Variants in ST6GALNAC3 observed in about 807,000 individuals in gnomAD.
ST6GALNAC3 encodes ST6 N-acetylgalactosaminide alpha-2,6-sialyltransferase 3, also known as alpha-N-acetylgalactosaminide alpha-2,6-sialyltransferase 3.
A neutral mutation model predicts 32.7 loss-of-function variants in ST6GALNAC3; 25 were observed. The ratio of observed to expected loss-of-function variants is 0.76; its 90% CI spans 0.56 to 1.07. The LOEUF is 1.07. Among genes scored for constraint, ST6GALNAC3 ranks in the 50% least tolerant of loss-of-function variants. ST6GALNAC3 has a pLI of 0.00. For missense variants in ST6GALNAC3, 355 were observed against 382.4 expected, an observed-to-expected ratio of 0.93 and a Z score of 0.60; for synonymous variants, 129 against 133.1, an observed-to-expected ratio of 0.97 and a Z score of 0.21.
At position 76,634,235 on chromosome 1, in the gene ST6GALNAC3, C is replaced by T; in HGVS notation, c.*5429C>T. On this transcript the variant is annotated 3_prime_UTR_variant, in exon 5 of 5. Transcript: ENST00000328299. ...TGAATAAACAGTCAACTACCAAGTT[C>T]ACATATTTGCCTATGAAGTGAGAGC... 1.1e-6 allele frequency: 1 copy of T among 879,392 alleles called. No individual in the cohort carries two copies. The highest frequency in any genetic ancestry group is 1.8e-5 in the African/African-American group (1 of 55,022). The allele number at this position is 879,392 out of a possible 1,614,324, so 54.5% of individuals were successfully genotyped here.
At chr1:76,477,767 A>G (rs1355584922) in intron 3 of ST6GALNAC3, among the ~76,000 whole-genome samples, 2 of 152,118 alleles carry the variant, frequency 1.3e-5, no homozygotes, top group African/African-American at 2.4e-5. Flanking sequence ...TCATTCAGTC[A>G]TTTACCCACT....
intron 3 of ST6GALNAC3, among the ~76,000 whole-genome samples, chr1:76,496,725 G>C (rs189980532): frequency 3.9e-5 from 6 of 152,088 alleles, no homozygotes; most frequent in Admixed American, 2.6e-4. Context: ...AGCAGTGAAG[G>C]TTCCTTAATG....
chr1:76,127,496 C>A (rs1029955738), intron 1 of ST6GALNAC3, among the ~76,000 whole-genome samples: 6 of 152,168 alleles, frequency 3.9e-5, no homozygotes, highest in Admixed American at 3.9e-4. Flanking sequence ...CAATAAATTT[C>A]ATGTGTTAAA....
At chr1:76,318,783 T>C (rs1349544630) in intron 2 of ST6GALNAC3, among the ~76,000 whole-genome samples, 2 of 152,158 alleles carry the variant, frequency 1.3e-5, no homozygotes, top group African/African-American at 4.8e-5. Context: ...ATTTTCCCCT[T>C]GAAACAAATG....
chr1:76,352,242 A>C (rs1291126146), intron 2 of ST6GALNAC3, among the ~76,000 whole-genome samples: 1 of 152,102 alleles, frequency 6.6e-6, no homozygotes, highest in Non-Finnish European at 1.5e-5. Flanking sequence ...ACAATAAGTT[A>C]TTGTTTCAAC....
chr1:76,182,069 T>G (rs1653216181), intron 1 of ST6GALNAC3, among the ~76,000 whole-genome samples: 1 of 152,198 alleles, frequency 6.6e-6, no homozygotes, highest in African/African-American at 2.4e-5. Context: ...TTTGAGAGTC[T>G]AATATCAAAC....
At chr1:76,251,674 C>G (rs932992520) in intron 1 of ST6GALNAC3, among the ~76,000 whole-genome samples, 2 of 152,172 alleles carry the variant, frequency 1.3e-5, no homozygotes, top group Non-Finnish European at 2.9e-5. Flanking sequence ...GCGTAGACTT[C>G]TGTTATGATT....
Position 76,630,882 on chromosome 1 carries a change from T to C in ST6GALNAC3, c.*2076T>C. On this transcript the variant is annotated 3_prime_UTR_variant, in exon 5 of 5. Coordinates refer to ENST00000328299, the MANE Select transcript of ST6GALNAC3 (RefSeq NM_152996.4). ...AAATAAACAGAGACAAATGTTAAAA[T>C]TGCCATACAGACTGTTTTTCCCCCT... The C allele has an allele frequency of 1.0e-6, 1 of 985,694 alleles. No homozygotes were observed. The highest frequency in any genetic ancestry group is 1.2e-6 in the Non-Finnish European group (1 of 829,842). 61.1% of individuals were successfully genotyped at this position (985,694 alleles called of 1,614,324 possible). A position where few individuals can be genotyped will look rare whatever the true frequency, so the allele number is the denominator to read the frequency against.
At position 76,633,480 on chromosome 1, in the gene ST6GALNAC3, C is replaced by T. The variant is rs978690464; in HGVS notation, c.*4674C>T. 2 of 152,166 alleles carry T rather than the reference C, an allele frequency of 1.3e-5. No homozygotes were observed. The highest frequency in any genetic ancestry group is 4.8e-5 in the African/African-American group (2 of 41,442). 9.4% of individuals were successfully genotyped at this position (152,166 alleles called of 1,614,324 possible). ...AAAATTCTAGGACTTGTTTAAAGAA[C>T]TTAAAGGTCAGTTTCTTAGTTTCTC... On this transcript the variant is annotated 3_prime_UTR_variant, in exon 5 of 5. Transcript: ENST00000328299.
chr1:76,284,656 A>G (rs1570690019), intron 1 of ST6GALNAC3, among the ~76,000 whole-genome samples: 1 of 152,038 alleles, frequency 6.6e-6, no homozygotes, highest in East Asian at 1.9e-4. Flanking sequence ...TTTAATTAGG[A>G]CTATTATAGA....
intron 2 of ST6GALNAC3, among the ~76,000 whole-genome samples, chr1:76,333,740 C>T (rs1396374299): frequency 2.0e-5 from 3 of 152,052 alleles, no homozygotes; most frequent in Non-Finnish European, 4.4e-5. Context: ...CAATTTTAGT[C>T]AATAAATATT....
intron 1 of ST6GALNAC3, among the ~76,000 whole-genome samples, chr1:76,279,356 G>A (rs1659365515): frequency 6.6e-6 from 1 of 152,216 alleles, no homozygotes. Flanking sequence ...TTAGATGCCT[G>A]AGCCCCGTGT....
intron 1 of ST6GALNAC3, among the ~76,000 whole-genome samples, chr1:76,203,891 TTTA>T (rs1654676159): frequency 6.6e-6 from 1 of 152,222 alleles, no homozygotes; most frequent in South Asian, 2.1e-4. Context: ...AAACATTCAA[TTTA>T]TTATCTTCTA....
At chr1:76,542,222 T>TA (rs902459127) in intron 3 of ST6GALNAC3, among the ~76,000 whole-genome samples, 2 of 152,096 alleles carry the variant, frequency 1.3e-5, no homozygotes, top group African/African-American at 4.8e-5. Flanking sequence ...ATAATACAAA[T>TA]ACCTTAAGGG....
intron 3 of ST6GALNAC3, among the ~76,000 whole-genome samples, chr1:76,429,420 T>A (rs1020175136): frequency 6.6e-6 from 1 of 152,158 alleles, no homozygotes; most frequent in Non-Finnish European, 1.5e-5. Flanking sequence ...TATTTACTAT[T>A]ATTAGTAGGA....
At chr1:76,241,710 C>T (rs1479630524) in intron 1 of ST6GALNAC3, among the ~76,000 whole-genome samples, 1 of 152,054 alleles carries the variant, frequency 6.6e-6, no homozygotes, top group Non-Finnish European at 1.5e-5. Context: ...GTCTAGTACA[C>T]AAAAAGAATA....
intron 3 of ST6GALNAC3, among the ~76,000 whole-genome samples, chr1:76,429,447 A>G (rs574750481): frequency 6.6e-5 from 10 of 152,264 alleles, no homozygotes; most frequent in South Asian, 2.1e-4. Flanking sequence ...TTATATCTAT[A>G]TCATAATATC....
chr1:76,090,821 C>T (rs1379191387), intron 1 of ST6GALNAC3, among the ~76,000 whole-genome samples: 1 of 152,178 alleles, frequency 6.6e-6, no homozygotes, highest in African/African-American at 2.4e-5. Flanking sequence ...AGGGTTTGGA[C>T]TTGACCTTGT....
At chr1:76,492,381 GAAAC>G (rs749458356) in intron 3 of ST6GALNAC3, among the ~76,000 whole-genome samples, 3 of 151,294 alleles carry the variant, frequency 2.0e-5, no homozygotes, top group Non-Finnish European at 3.0e-5. Context: ...ACATAAAAAA[GAAAC>G]AAAAAAAGAC....
Sources: gnomAD v4.1 joint callset for allele counts (sites outside exome capture counted in the v4.1 genomes callset) on GRCh38, gnomAD v4.1.1 for gene constraint, MANE v1.5 for transcripts, NCBI Gene and HGNC (gene_info 2026-07-23, HGNC 2026-07-21) for gene names.